The following WAC variants were observed in gnomAD, a reference collection of about 807,000 sequenced individuals.
WAC encodes the protein WW domain-containing adapter protein with coiled-coil.
Under a neutral mutation model 79.6 loss-of-function variants are expected in WAC, and 11 were observed. The ratio of observed to expected loss-of-function variants is 0.14; its 90% CI spans 0.09 to 0.23. WAC has a LOEUF of 0.23. WAC is among the 10% of genes least tolerant of loss of function. WAC has a pLI of 1.00. For missense variants in WAC, 728 were observed against 773.5 expected (o/e 0.94, Z 0.70); for synonymous variants, 304 against 276.9 (o/e 1.10, Z -0.97).
intron 3 of WAC, among the ~76,000 whole-genome samples, chr10:28,539,843 G>A (rs975855260): frequency 1.3e-5 from 2 of 152,116 alleles, no homozygotes; most frequent in African/African-American, 4.8e-5. Flanking sequence ...ACAGGCGTGA[G>A]TCACCGCGCC....
At chr10:28,571,986 A>G (rs1333771937) in intron 3 of WAC, among the ~76,000 whole-genome samples, 1 of 152,230 alleles carries the variant, frequency 6.6e-6, no homozygotes, top group African/African-American at 2.4e-5. Context: ...CTCCCTTAGA[A>G]TAACTACTTA....
rs1406231243 is a variant in WAC, at chr10:28,534,012, G to C, written c.56G>C (p.Arg19Thr). 5.0e-6 allele frequency: 8 copies of C among 1,601,444 alleles called. No homozygotes were observed. The highest frequency in any genetic ancestry group is 6.8e-6 in the Non-Finnish European group (8 of 1,174,264). Residue 19 changes from arginine (R) to threonine (T), a missense_variant, in exon 2 of 14, where the codon AGG (arginine) becomes ACG (threonine). By Grantham distance (71) the Arg-to-Thr change is moderately conservative. Around this residue, in one of 3 missense-constraint regions of WAC, gnomAD observed 648 missense variants for 661.5 expected, o/e 0.98. Transcript: ENST00000354911. Reference sequence around the variant, plus strand: ...CTGTTTTTCAGCTGTCACGACCGGAGGGGGGACTCGCAGCCTTACCAGGTA... The same window carrying C: ...CTGTTTTTCAGCTGTCACGACCGGACGGGGGACTCGCAGCCTTACCAGGTA... ...QRLSDGCHDR[R>T]GDSQPYQALK...
At position 28,617,753 on chromosome 10, in the gene WAC, T is replaced by G; in HGVS notation, c.1843T>G (p.Cys615Gly). Residue 615 changes from cysteine to glycine, a missense_variant, in exon 13 of 14, where the codon TGT (cysteine) becomes GGT (glycine). Cys to Gly is a radical substitution (Grantham distance 159). Coordinates refer to ENST00000354911, the MANE Select transcript of WAC (RefSeq NM_016628.5). ...LKNLRSLVRV[C>G]EIQATLREQR... The stretch of plus-strand genomic sequence containing the variant: ...AAATTTAAGATCTTTAGTCCGAGTA[T>G]GTGAAATTCAAGCAACTTTGCGAGA... 1 of 1,592,924 alleles carries G rather than the reference T, an allele frequency of 6.3e-7. No individual in the cohort carries two copies. Among genetic ancestry groups the G allele is most frequent in the Non-Finnish European group, 8.5e-7 (1 of 1,173,908 alleles).
At chr10:28,534,092 C>G in intron 2 of WAC, 58 bp downstream of exon 2, 1 of 1,507,050 alleles carries the variant, frequency 6.6e-7, no homozygotes, top group Non-Finnish European at 8.9e-7. Flanking sequence ...AAGGGAGGGA[C>G]TGCTACTCGA....
chr10:28,549,883 G>C lies in WAC; in HGVS notation c.274+14126G>C, dbSNP rs115969594. Among the ~76,000 whole-genome samples, 636 of 152,138 alleles carry C rather than the reference G, an allele frequency of 4.2e-3. 10 individuals carry two copies. The highest frequency in any genetic ancestry group is 0.015 in the African/African-American group (607 of 41,516). On this transcript the variant is annotated intron_variant, in intron 3 of 13. Transcript: ENST00000354911. ...TGAAGTTTAAAGAGTTTTAAGTTTT[G>C]GCCAGGCGCAGTGGCTCACACCTGT...
intron 11 of WAC, 163 bp from the exon 12 acceptor site, chr10:28,616,010 T>C (rs1363004117): frequency 1.8e-6 from 1 of 548,420 alleles, no homozygotes; most frequent in Non-Finnish European, 3.0e-6. Context: ...AGGAATCATA[T>C]ACTTTGGATT....
intron 8 of WAC, 117 bp downstream of exon 8, chr10:28,608,548 C>CT (rs1308053482): frequency 4.5e-5 from 52 of 1,158,750 alleles, no homozygotes; most frequent in East Asian, 5.2e-5. Flanking sequence ...TAGTTGAACA[C>CT]TTTTTTTTGT....
At chr10:28,533,761 C>CGCGGGCGG (rs922941687) in intron 1 of WAC, 141 bp downstream of exon 1, 9 of 775,030 alleles carry the variant, frequency 1.2e-5, no homozygotes, top group Non-Finnish European at 1.7e-5. Context: ...GGAGCGGCCG[C>CGCGGGCGG]GCGGGCGGGC....
intron 3 of WAC, among the ~76,000 whole-genome samples, chr10:28,547,263 G>A (rs572675762): frequency 2.6e-4 from 40 of 152,196 alleles, no homozygotes; most frequent in Non-Finnish European, 4.4e-4. Context: ...GGCCAGGTGC[G>A]GTGGCTCACC....
intron 3 of WAC, among the ~76,000 whole-genome samples, chr10:28,542,636 G>T (rs1267364255): frequency 6.6e-6 from 1 of 152,192 alleles, no homozygotes; most frequent in Non-Finnish European, 1.5e-5. Context: ...GAAGATACCT[G>T]ATACGAGACA....
Position 28,589,799 on chromosome 10 carries a change from A to G in WAC, c.445A>G (p.Asn149Asp). The change falls in exon 5 of 14, where the codon AAT becomes GAT. Residue 149 changes from asparagine to aspartate, a missense_variant. Asn to Asp is a conservative substitution (Grantham distance 23, BLOSUM62 1). Around this residue, in one of 3 missense-constraint regions of WAC, gnomAD observed 648 missense variants for 661.5 expected, o/e 0.98. Transcript: ENST00000354911. The stretch of plus-strand genomic sequence containing the variant: ...CTCTTCTGGGAAAAAGTACTACTAC[A>G]ATTGTCGAACAGAAGTTTCACAATG... ...ISSSGKKYYY[N>D]CRTEVSQWEK... 1 of 1,613,998 alleles carries G rather than the reference A, an allele frequency of 6.2e-7. No individual in the cohort carries two copies. The highest frequency in any genetic ancestry group is 1.7e-5 in the Admixed American group (1 of 60,026).
intron 3 of WAC, among the ~76,000 whole-genome samples, chr10:28,547,915 C>CTTTTTTTTTTTTTTTTTTTTTTTTT (rs11408560): frequency 2.3e-5 from 3 of 132,328 alleles, no homozygotes; most frequent in Non-Finnish European, 4.7e-5. Flanking sequence ...TTCTCTTTTT[C>CTTTTTTTTTTTTTTTTTTTTTTTTT]TTTTTTTTTT....
chr10:28,532,902 G>A (rs1236484191), upstream of WAC: 1 of 153,114 alleles, frequency 6.5e-6, no homozygotes, highest in Non-Finnish European at 1.5e-5. Flanking sequence ...CCCTAAACGG[G>A]AACGGCGGTG....
chr10:28,541,681 T>C (rs1837060360), intron 3 of WAC, among the ~76,000 whole-genome samples: 1 of 152,160 alleles, frequency 6.6e-6, no homozygotes, highest in Non-Finnish European at 1.5e-5. Flanking sequence ...ATCAGTATTA[T>C]TCCTGTTGTA....
At chr10:28,551,101 A>G (rs189651337) in intron 3 of WAC, among the ~76,000 whole-genome samples, 28 of 152,212 alleles carry the variant, frequency 1.8e-4, no homozygotes, top group African/African-American at 6.0e-4. Context: ...GTAGAATAAT[A>G]GGGGGGATAT....
Position 28,616,205 on chromosome 10 carries a change from A to G in WAC, c.1589A>G (p.His530Arg). Residue 530 changes from histidine (H) to arginine (R), a missense_variant, in exon 12 of 14, where the codon CAT becomes CGT. His to Arg is a conservative substitution (Grantham distance 29, BLOSUM62 0). Coordinates refer to ENST00000354911, the MANE Select transcript of WAC (RefSeq NM_016628.5). ...AGAAGTCCATCACCTGGTCCCAATCATACTTCTAATAGTAGTAATGCATCA... is the reference window on the plus strand; with the variant it reads ...AGAAGTCCATCACCTGGTCCCAATCGTACTTCTAATAGTAGTAATGCATCA... Reference protein sequence around the residue: ...SQRSPSPGPNHTSNSSNASNA... With the variant: ...SQRSPSPGPNRTSNSSNASNA... The G allele has an allele frequency of 1.9e-6, 3 of 1,610,428 alleles. No individual in the cohort carries two copies. Among genetic ancestry groups the G allele is most frequent in the Non-Finnish European group, 2.5e-6 (3 of 1,177,864 alleles).
intron 11 of WAC, chr10:28,615,380 C>G (rs555516554): frequency 6.6e-6 from 1 of 152,260 alleles, no homozygotes; most frequent in South Asian, 2.1e-4. Flanking sequence ...AAATAATGAC[C>G]TTGGGAAGCT....
rs1564427145 is a variant in WAC at position 28,622,424 on chromosome 10, T to TCCCCCCCCCCCC, written c.*2818_*2819insCCCCCCCCCCCC. ...AACTTGAGTGGCCTTTCCCTCCCCCTGCCCCCCCCCCCCCCCCCCCGTTTT... is the reference window on the plus strand; with the variant it reads ...AACTTGAGTGGCCTTTCCCTCCCCCTCCCCCCCCCCCCGCCCCCCCCCCCCCCCCCCCGTTTT... On this transcript the variant is annotated 3_prime_UTR_variant, in exon 14 of 14. Coordinates refer to ENST00000354911, the MANE Select transcript of WAC (RefSeq NM_016628.5). The TCCCCCCCCCCCC allele has an allele frequency of 1.3e-3, 1 of 746 alleles. No homozygotes were observed. Among genetic ancestry groups the TCCCCCCCCCCCC allele is most frequent in the Admixed American group, 0.012 (1 of 86 alleles). The allele number at this position is 746 out of a possible 1,614,324, so 0.0% of individuals were successfully genotyped here. A position where few individuals can be genotyped will look rare whatever the true frequency, so the allele number is the denominator to read the frequency against.
chr10:28,570,221 A>G (rs762020853), intron 3 of WAC, among the ~76,000 whole-genome samples: 2 of 152,208 alleles, frequency 1.3e-5, no homozygotes, highest in Non-Finnish European at 2.9e-5. Flanking sequence ...TTTATTTTGT[A>G]CAGATAATAG....
Sources: allele counts gnomAD v4.1 joint callset (sites outside exome capture counted in the v4.1 genomes callset), GRCh38; gene constraint gnomAD v4.1.1; regional missense constraint gnomAD v4.1.1; transcripts MANE v1.5; gene names NCBI Gene and HGNC (gene_info 2026-07-23, HGNC 2026-07-21).